Variants in SOHLH2 observed in about 807,000 individuals in gnomAD.
SOHLH2 encodes spermatogenesis and oogenesis specific basic helix-loop-helix 2.
In SOHLH2, 22 loss-of-function variants were observed where a neutral mutation model predicts 50.4. The observed-to-expected ratio is 0.44, with a 90% CI of 0.31 to 0.62. The LOEUF (loss-of-function observed/expected upper bound fraction) is 0.62. SOHLH2 is among the 20% of genes least tolerant of loss of function. The pLI, the probability that SOHLH2 is intolerant of heterozygous loss-of-function variation, is 0.08. For synonymous variants in SOHLH2, 185 were observed against 187.3 expected (o/e 0.99, Z 0.10); for missense variants, 412 against 504.4 (o/e 0.82, Z 1.76).
chr13:36,208,099 G>A (rs1394877128), intron 1 of SOHLH2, among the ~76,000 whole-genome samples: 2 of 152,142 alleles, frequency 1.3e-5, no homozygotes, highest in Non-Finnish European at 2.9e-5. Context: ...GTGGATGTAC[G>A]TTAAAACCAT....
intron 1 of SOHLH2, among the ~76,000 whole-genome samples, chr13:36,204,032 C>T (rs552536763): frequency 6.7e-6 from 1 of 148,662 alleles, no homozygotes; most frequent in East Asian, 2.0e-4. Flanking sequence ...CTCACTGTAA[C>T]CTCTGCCTCC....
rs753013499 is a variant in SOHLH2, at chr13:36,190,001, A to G, written c.586T>C (p.Phe196Leu). ...GLELNASLSE[F>L]EKNKKISLLH... ...AGAGAGATCTTTTTGTTTTTCTCGA[A>G]CTCTGACAACGAAGCATTTAATTCA... Residue 196 changes from phenylalanine (F) to leucine (L), a missense_variant, in exon 6 of 11, where the codon TTC (phenylalanine) becomes CTC (leucine). By Grantham distance (22) the Phe-to-Leu change is conservative (BLOSUM62 0). Coordinates refer to ENST00000379881, the MANE Select transcript of SOHLH2 (RefSeq NM_017826.3). 21 of 1,607,868 alleles carry G rather than the reference A, an allele frequency of 1.3e-5. No homozygotes were observed. The highest frequency in any genetic ancestry group is 1.7e-5 in the Non-Finnish European group (20 of 1,176,284).
At chr13:36,193,524 CTTTAT>C (rs769830286) in intron 4 of SOHLH2, 92 bp downstream of exon 4, 1 of 1,315,652 alleles carries the variant, frequency 7.6e-7, no homozygotes, top group Non-Finnish European at 1.0e-6. Context: ...ATATTTCTCC[CTTTAT>C]TTTATTTATG....
At chr13:36,170,817 C>T in intron 9 of SOHLH2, 30 bp from the exon 10 acceptor site, 1 of 1,599,840 alleles carries the variant, frequency 6.3e-7, no homozygotes, top group Non-Finnish European at 8.5e-7. Flanking sequence ...AAATATGGGT[C>T]AGTATCCACA....
chr13:36,194,828 G>A (rs1309461952), intron 2 of SOHLH2, among the ~76,000 whole-genome samples: 1 of 152,156 alleles, frequency 6.6e-6, no homozygotes, highest in Non-Finnish European at 1.5e-5. Flanking sequence ...TTATTAGCAT[G>A]TGGTTACATA....
At chr13:36,183,118 G>A (rs2138282351) in intron 6 of SOHLH2, 1 of 335,616 alleles carries the variant, frequency 3.0e-6, no homozygotes, top group African/African-American at 2.1e-5. Flanking sequence ...TGACACATTG[G>A]CTCCACTTTG....
chr13:36,185,588 T>TTTCA (rs1490410491), intron 6 of SOHLH2, among the ~76,000 whole-genome samples: 2 of 151,924 alleles, frequency 1.3e-5, no homozygotes, highest in Non-Finnish European at 2.9e-5. Context: ...TCTGCTTCAC[T>TTTCA]GAAAAAAAAT....
intron 4 of SOHLH2, among the ~76,000 whole-genome samples, chr13:36,192,460 G>A (rs965627142): frequency 1.3e-5 from 2 of 152,050 alleles, no homozygotes; most frequent in African/African-American, 4.8e-5. Context: ...TTTCCAGGAA[G>A]AACCACAAGG....
chr13:36,188,089 C>T (rs931503667), intron 6 of SOHLH2, among the ~76,000 whole-genome samples: 6 of 152,148 alleles, frequency 3.9e-5, no homozygotes, highest in African/African-American at 1.4e-4. Flanking sequence ...TGACAGCCCC[C>T]GCTGAGCTCA....
intron 2 of SOHLH2, among the ~76,000 whole-genome samples, chr13:36,195,670 T>C (rs1887703057): frequency 6.6e-6 from 1 of 152,160 alleles, no homozygotes; most frequent in South Asian, 2.1e-4. Context: ...AGGCAAGAGC[T>C]GATGGTAAGG....
intron 9 of SOHLH2, among the ~76,000 whole-genome samples, chr13:36,171,064 T>C (rs1886950661): frequency 6.6e-6 from 1 of 152,152 alleles, no homozygotes; most frequent in Admixed American, 6.5e-5. Flanking sequence ...AATGTGCACG[T>C]CAATCAAAAT....
intron 6 of SOHLH2, among the ~76,000 whole-genome samples, chr13:36,183,392 G>A (rs1271537750): frequency 6.6e-6 from 1 of 152,058 alleles, no homozygotes; most frequent in Non-Finnish European, 1.5e-5. Flanking sequence ...TCAATTCAAG[G>A]TAGATTATGA....
intron 1 of SOHLH2, among the ~76,000 whole-genome samples, chr13:36,203,585 T>C (rs1868559936): frequency 6.6e-6 from 1 of 152,158 alleles, no homozygotes; most frequent in Non-Finnish European, 1.5e-5. Flanking sequence ...AAGTAAACTT[T>C]TACTTGTTTT....
In SOHLH2 at chr13:36,189,951, T is replaced by C; in HGVS notation, c.636A>G (p.Leu212=). The C allele has an allele frequency of 6.3e-7, 1 of 1,587,008 alleles. No individual in the cohort carries two copies. Among genetic ancestry groups the C allele is most frequent in the Non-Finnish European group, 8.6e-7 (1 of 1,165,656 alleles). ...ISLLHSSKEK[L]RRERIKYCCE... is the part of the protein sequence containing the mutation. ...AGTGCTATATTAAAATTCACCTTCT[T>C]AGTTTTTCCTTGCTTGAATGAAGAA... The change falls in exon 6 of 11, where the codon CTA becomes CTG. Residue 212 remains leucine (L), a synonymous_variant. Transcript: ENST00000379881.
At chr13:36,169,590 CAT>C (rs1886908171) in intron 10 of SOHLH2, among the ~76,000 whole-genome samples, 1 of 152,182 alleles carries the variant, frequency 6.6e-6, no homozygotes, top group Non-Finnish European at 1.5e-5. Flanking sequence ...GTGCTCAAAA[CAT>C]GTTAGCTATT....
intron 6 of SOHLH2, among the ~76,000 whole-genome samples, chr13:36,180,049 G>A (rs1384133435): frequency 6.6e-6 from 1 of 152,086 alleles, no homozygotes; most frequent in African/African-American, 2.4e-5. Flanking sequence ...GTAAGGTTTT[G>A]ATAACAAGTT....
chr13:36,193,589 A>G (rs747857858), intron 4 of SOHLH2, 32 bp downstream of exon 4: 5 of 1,570,872 alleles, frequency 3.2e-6, no homozygotes. Context: ...TTTTAATTCA[A>G]ATTTTGAAAC....
chr13:36,187,293 T>C (rs1248418671), intron 6 of SOHLH2, among the ~76,000 whole-genome samples: 1 of 151,838 alleles, frequency 6.6e-6, no homozygotes, highest in African/African-American at 2.4e-5. Flanking sequence ...ACATGAAAAA[T>C]AATGAAAAAA....
intron 4 of SOHLH2, 124 bp downstream of exon 4, chr13:36,193,497 T>C (rs1887634071): frequency 4.4e-6 from 5 of 1,147,306 alleles, no homozygotes; most frequent in Non-Finnish European, 2.4e-6. Context: ...GTTTTTTTCT[T>C]TCCAGGTAAA....
Sources: allele counts gnomAD v4.1 joint callset (sites outside exome capture counted in the v4.1 genomes callset), GRCh38; gene constraint gnomAD v4.1.1; transcripts MANE v1.5; gene names NCBI Gene and HGNC (gene_info 2026-07-23, HGNC 2026-07-21).